Variants in ARID1B observed in about 807,000 individuals in gnomAD.
The protein encoded by ARID1B is AT-rich interactive domain-containing protein 1B.
Under a neutral mutation model 212.3 loss-of-function variants are expected in ARID1B, and 30 were observed. The observed-to-expected ratio is 0.14, with a 90% confidence interval of 0.11 to 0.19. ARID1B has a LOEUF of 0.19. Ranked by LOEUF, ARID1B falls within the 10% of genes least tolerant of loss-of-function variation. The pLI is 1.00. For synonymous variants in ARID1B, 1,402 were observed against 1,301.7 expected (o/e 1.08, Z -1.66); for missense variants, 2,891 against 3,204.0 (o/e 0.90, Z 2.36).
chr6:157,127,783 CAAAAAA>C (rs61172896), intron 6 of ARID1B, among the ~76,000 whole-genome samples: 1 of 56,794 alleles, frequency 1.8e-5, no homozygotes, highest in Non-Finnish European at 3.5e-5. Flanking sequence ...GACTCTGTCT[CAAAAAA>C]AAAAAAAAAA....
chr6:157,147,995 C>T (rs1483924582), intron 7 of ARID1B, among the ~76,000 whole-genome samples: 1 of 145,604 alleles, frequency 6.9e-6, no homozygotes, highest in South Asian at 2.3e-4. Flanking sequence ...GACAGTTTTC[C>T]GAGATGTGGC....
chr6:156,883,439 T>C (rs984005188), intron 2 of ARID1B, among the ~76,000 whole-genome samples: 1 of 152,200 alleles, frequency 6.6e-6, no homozygotes, highest in African/African-American at 2.4e-5. Context: ...ACTTTTCTTC[T>C]TTGGGGATCT....
At chr6:156,901,547 G>T (rs1441238997) in intron 3 of ARID1B, 22 bp downstream of exon 3, 2 of 1,605,312 alleles carry the variant, frequency 1.2e-6, no homozygotes, top group Non-Finnish European at 1.7e-6. Context: ...GCACTGCCCC[G>T]CAGGGCCCTG....
chr6:156,897,949 G>C (rs1285993698), intron 2 of ARID1B, among the ~76,000 whole-genome samples: 1 of 152,142 alleles, frequency 6.6e-6, no homozygotes, highest in Admixed American at 6.5e-5. Context: ...TTGACGCTCA[G>C]ATCCTTTTCC....
At chr6:157,039,269 G>A (rs1382934331) in intron 4 of ARID1B, among the ~76,000 whole-genome samples, 2 of 149,696 alleles carry the variant, frequency 1.3e-5, no homozygotes, top group African/African-American at 4.9e-5. Flanking sequence ...AGCTTTTGCT[G>A]ATCTATACTG....
At chr6:156,857,887 T>C (rs1785060750) in intron 2 of ARID1B, among the ~76,000 whole-genome samples, 6 of 152,228 alleles carry the variant, frequency 3.9e-5, no homozygotes, top group Admixed American at 3.9e-4. Context: ...GTGACTGTAT[T>C]GAATACTCTA....
Position 157,026,986 on chromosome 6 carries a change from T to G in ARID1B, c.2248-57676T>G, listed in dbSNP as rs180735075. 2.6e-5 allele frequency among the ~76,000 whole-genome samples: 4 copies of G among 152,330 alleles called. No individual in the cohort carries two copies. The East Asian group carries it at 7.7e-4, about 29-fold the overall frequency. Reference sequence around the variant, plus strand: ...ATGTAATGCATACATAGTTATTTGTTATTATTGCCCTTAGCAGGTAAGGCT... The same window carrying G: ...ATGTAATGCATACATAGTTATTTGTGATTATTGCCCTTAGCAGGTAAGGCT... On this transcript the variant is annotated intron_variant, in intron 4 of 19. Transcript: ENST00000636930.
At chr6:157,082,859 A>G (rs1273513072) in intron 4 of ARID1B, among the ~76,000 whole-genome samples, 2 of 152,244 alleles carry the variant, frequency 1.3e-5, no homozygotes, top group Non-Finnish European at 2.9e-5. Context: ...TTAGAAAGAT[A>G]TTCTTCTTAG....
chr6:156,949,967 T>C (rs557286398), intron 4 of ARID1B, among the ~76,000 whole-genome samples: 1 of 147,736 alleles, frequency 6.8e-6, no homozygotes, highest in East Asian at 1.9e-4. Flanking sequence ...TATTTCTAAC[T>C]TGTGAATTAT....
chr6:156,928,669 G>T (rs558878091), intron 3 of ARID1B, among the ~76,000 whole-genome samples: 2 of 152,194 alleles, frequency 1.3e-5, no homozygotes, highest in Non-Finnish European at 2.9e-5. Flanking sequence ...GAGAAGAGCC[G>T]GTAGAGGATC....
At chr6:156,974,134 TATTTATATTTC>T (rs1777092755) in intron 4 of ARID1B, among the ~76,000 whole-genome samples, 1 of 152,244 alleles carries the variant, frequency 6.6e-6, no homozygotes, top group African/African-American at 2.4e-5. Flanking sequence ...GAGTTTTTAC[TATTTATATTTC>T]ATTTATATCT....
chr6:156,897,211 TG>T (rs1562468156), intron 2 of ARID1B, among the ~76,000 whole-genome samples: 51 of 78,548 alleles, frequency 6.5e-4, no homozygotes, highest in African/African-American at 2.3e-3. Context: ...CTGCTGCTGC[TG>T]CTGCTGCTTC....
chr6:157,174,675 C>T (rs564351696), intron 10 of ARID1B, among the ~76,000 whole-genome samples, 172 bp from the exon 11 acceptor site: 67 of 146,800 alleles, frequency 4.6e-4, no homozygotes, highest in African/African-American at 1.6e-3. Flanking sequence ...TGTTTTAATA[C>T]CTTTATCTAT....
At chr6:156,925,095 C>T (rs1355433756) in intron 3 of ARID1B, among the ~76,000 whole-genome samples, 2 of 152,158 alleles carry the variant, frequency 1.3e-5, no homozygotes, top group Non-Finnish European at 2.9e-5. Flanking sequence ...TTAGCAGCCT[C>T]TAGGATTCTT....
At chr6:157,026,735 C>G (rs769114169) in intron 4 of ARID1B, among the ~76,000 whole-genome samples, 2 of 152,100 alleles carry the variant, frequency 1.3e-5, no homozygotes, top group Non-Finnish European at 2.9e-5. Flanking sequence ...CAGTTGGTCT[C>G]GAAATCCTGA....
intron 6 of ARID1B, among the ~76,000 whole-genome samples, chr6:157,127,464 G>A (rs1788207924): frequency 6.6e-6 from 1 of 151,996 alleles, no homozygotes; most frequent in Non-Finnish European, 1.5e-5. Flanking sequence ...AGACCAGCCT[G>A]GCCAATATGG....
intron 8 of ARID1B, among the ~76,000 whole-genome samples, chr6:157,161,431 G>GTGTGTGTGTATA (rs540423195): frequency 7.2e-6 from 1 of 139,380 alleles, no homozygotes; most frequent in African/African-American, 2.8e-5. Flanking sequence ...TTGTGTGTGT[G>GTGTGTGTGTATA]TATATATATA....
chr6:157,153,302 C>T (rs10485197), intron 8 of ARID1B, among the ~76,000 whole-genome samples: 1 of 152,084 alleles, frequency 6.6e-6, no homozygotes. Context: ...GTACTAGATT[C>T]ACTGTGCAGT....
chr6:157,057,768 T>G (rs1290102271), intron 4 of ARID1B, among the ~76,000 whole-genome samples: 2 of 152,206 alleles, frequency 1.3e-5, no homozygotes, highest in Non-Finnish European at 2.9e-5. Context: ...TGAAAATGTG[T>G]CAAAATTTTA....
Sources: gnomAD v4.1 joint callset for allele counts (sites outside exome capture counted in the v4.1 genomes callset) on GRCh38, gnomAD v4.1.1 for gene constraint, MANE v1.5 for transcripts, NCBI Gene and HGNC (gene_info 2026-07-23, HGNC 2026-07-21) for gene names.